The following AKT3 variants were observed in gnomAD, a reference collection of about 807,000 sequenced individuals.
AKT3 encodes the protein RAC-gamma serine/threonine-protein kinase.
AKT3 carries 15 observed loss-of-function variants against 65.3 expected under a neutral mutation model. The observed-to-expected ratio is 0.23, with a 90% CI of 0.15 to 0.35. The LOEUF (loss-of-function observed/expected upper bound fraction) is 0.35, where lower values mean the gene tolerates loss of function less well. AKT3 is among the 10% of genes least tolerant of loss of function. The probability of loss-of-function intolerance (pLI) is 1.00; values close to 1 mark genes in which losing one functional copy is unlikely to be tolerated. For missense variants in AKT3, 243 were observed against 576.5 expected, an observed-to-expected ratio of 0.42 and a Z score of 5.92; for synonymous variants, 206 against 183.8, an observed-to-expected ratio of 1.12 and a Z score of -0.98.
At position 243,491,125 on chromosome 1, in the gene AKT3, G is replaced by A. The variant is rs750263007; in HGVS notation, c.*7-2675C>T. Among the ~76,000 whole-genome samples the A allele has an allele frequency of 3.3e-5, 5 of 152,234 alleles. No individual in the cohort carries two copies. The East Asian group carries it at 5.8e-4, about 18-fold the overall frequency. ...GGGCTCTGGACTAGATCAGGAGAAC[G>A]TGGGCTTTGCCTTTTAACTCCCCAT... On this transcript the variant is annotated intron_variant, in intron 13 of 13. Coordinates refer to the AKT3 transcript ENST00000336199.
intron 10 of AKT3, among the ~76,000 whole-genome samples, chr1:243,555,151 T>C (rs1363774080): frequency 6.6e-6 from 1 of 152,218 alleles, no homozygotes; most frequent in East Asian, 1.9e-4. Context: ...TTTGCCGTAT[T>C]ACTTTGTATT....
At chr1:243,520,159 A>G (rs1384455934) in intron 12 of AKT3, among the ~76,000 whole-genome samples, 1 of 152,230 alleles carries the variant, frequency 6.6e-6, no homozygotes, top group African/African-American at 2.4e-5. Context: ...TCTTTAAAAA[A>G]GTAACTGCAT....
chr1:243,772,951 A>G (rs1421816099), intron 2 of AKT3, among the ~76,000 whole-genome samples: 2 of 146,340 alleles, frequency 1.4e-5, no homozygotes, highest in African/African-American at 2.5e-5. Flanking sequence ...AAAACCAAAC[A>G]CCGCATGTTC....
intron 2 of AKT3, among the ~76,000 whole-genome samples, chr1:243,798,207 CTTTTT>C (rs59975727): frequency 5.1e-5 from 5 of 97,268 alleles, no homozygotes; most frequent in African/African-American, 1.9e-4. Flanking sequence ...GTGCCAGGCC[CTTTTT>C]TTTTTTTTTT....
chr1:243,667,781 G>A (rs1225867350), intron 3 of AKT3, among the ~76,000 whole-genome samples: 2 of 152,070 alleles, frequency 1.3e-5, no homozygotes, highest in Non-Finnish European at 2.9e-5. Context: ...CCCTCCCACT[G>A]ACCCCACTGA....
chr1:243,833,649 G>C (rs1006130986), intron 2 of AKT3, among the ~76,000 whole-genome samples: 1 of 151,874 alleles, frequency 6.6e-6, no homozygotes. Context: ...ATAACAACAG[G>C]TGACTTTTCA....
At chr1:243,536,106 A>G (rs1028398453) in intron 12 of AKT3, among the ~76,000 whole-genome samples, 1 of 140,048 alleles carries the variant, frequency 7.1e-6, no homozygotes, top group Middle Eastern at 3.4e-3. Context: ...TGAGTTCTTT[A>G]TAAGATTCTG....
rs192678745 is a variant in AKT3 at position 243,608,067 on chromosome 1, A to G, written c.696+5604T>C. 1.2e-3 allele frequency among the ~76,000 whole-genome samples: 177 copies of G among 152,308 alleles called. 1 individual carries two copies. The highest frequency in any genetic ancestry group is 2.8e-3 in the African/African-American group (118 of 41,562). On this transcript the variant is annotated intron_variant, in intron 8 of 13. Coordinates refer to ENST00000673466, the MANE Select transcript of AKT3 (RefSeq NM_005465.7). ...CCCGTCTGGGGCAGTTCTTTTCAGCAGTGTGAGAACTAATACAGGCAATTT... is the reference window on the plus strand; with the variant it reads ...CCCGTCTGGGGCAGTTCTTTTCAGCGGTGTGAGAACTAATACAGGCAATTT...
intron 2 of AKT3, among the ~76,000 whole-genome samples, chr1:243,699,928 A>G (rs1685338665): frequency 6.6e-6 from 1 of 152,110 alleles, no homozygotes; most frequent in Admixed American, 6.6e-5. Flanking sequence ...AAAGCCAAGG[A>G]GCACCTAGAG....
At chr1:243,776,336 C>T (rs890955132) in intron 2 of AKT3, among the ~76,000 whole-genome samples, 5 of 152,070 alleles carry the variant, frequency 3.3e-5, no homozygotes, top group African/African-American at 1.2e-4. Flanking sequence ...TAACAAAATC[C>T]GTATGTTGAA....
At chr1:243,690,792 A>G (rs567134653) in intron 3 of AKT3, among the ~76,000 whole-genome samples, 1 of 152,230 alleles carries the variant, frequency 6.6e-6, no homozygotes, top group South Asian at 2.1e-4. Context: ...TTTATTCTTG[A>G]TACTTAACTA....
rs149909270 is a variant in AKT3, at chr1:243,815,403, T to C, written c.46+27722A>G. ...TCCCCTTTCCTCGTGTTTCCGTTAATATTTTTCTCACTTTCCTTTAAGCCC... is the reference window on the plus strand; with the variant it reads ...TCCCCTTTCCTCGTGTTTCCGTTAACATTTTTCTCACTTTCCTTTAAGCCC... On this transcript the variant is annotated intron_variant, in intron 2 of 13. Transcript: ENST00000673466. Among the ~76,000 whole-genome samples, 3 of 152,276 alleles carry C rather than the reference T, an allele frequency of 2.0e-5. No homozygotes were observed. The East Asian group carries it at 5.8e-4, about 29-fold the overall frequency.
At chr1:243,756,024 A>T (rs1689116906) in intron 2 of AKT3, among the ~76,000 whole-genome samples, 1 of 152,246 alleles carries the variant, frequency 6.6e-6, no homozygotes, top group Non-Finnish European at 1.5e-5. Context: ...AAGATGAACC[A>T]TATAAGTCAT....
chr1:243,512,449 T>C (rs1670074267), intron 12 of AKT3, 23 bp from the exon 13 acceptor site: 1 of 1,376,348 alleles, frequency 7.3e-7, no homozygotes, highest in Non-Finnish European at 1.0e-6. Context: ...AGAAAAAGAG[T>C]TTTATTAACT....
At chr1:243,554,068 G>C (rs1250498638) in intron 10 of AKT3, among the ~76,000 whole-genome samples, 1 of 152,096 alleles carries the variant, frequency 6.6e-6, no homozygotes, top group Non-Finnish European at 1.5e-5. Context: ...TTTTCTGGAA[G>C]ATTACTCCTA....
chr1:243,518,755 A>G (rs1032315901), intron 12 of AKT3, among the ~76,000 whole-genome samples: 1 of 152,236 alleles, frequency 6.6e-6, no homozygotes, highest in East Asian at 1.9e-4. Flanking sequence ...CATAAACTTT[A>G]TGGAAAATGT....
At chr1:243,822,111 A>C (rs1288717127) in intron 2 of AKT3, among the ~76,000 whole-genome samples, 5 of 152,172 alleles carry the variant, frequency 3.3e-5, no homozygotes, top group Non-Finnish European at 1.5e-5. Context: ...TCAGAACTCA[A>C]GATTAAGAAA....
At chr1:243,593,597 G>A (rs1676388212) in intron 8 of AKT3, among the ~76,000 whole-genome samples, 1 of 152,140 alleles carries the variant, frequency 6.6e-6, no homozygotes, top group South Asian at 2.1e-4. Flanking sequence ...TGAGGCAGGA[G>A]AATCACTTAA....
intron 12 of AKT3, among the ~76,000 whole-genome samples, chr1:243,525,587 T>TA (rs1375821576): frequency 2.7e-5 from 4 of 145,518 alleles, no homozygotes; most frequent in Admixed American, 6.9e-5. Context: ...AAACCTAAAA[T>TA]AAAAAAAAAT....
Sources: gnomAD v4.1 joint callset for allele counts (sites outside exome capture counted in the v4.1 genomes callset) on GRCh38, gnomAD v4.1.1 for gene constraint, MANE v1.5 for transcripts, NCBI Gene and HGNC (gene_info 2026-07-23, HGNC 2026-07-21) for gene names.